Variants in SMG6 observed in about 807,000 individuals in gnomAD.
SMG6 encodes telomerase-binding protein EST1A.
A neutral mutation model predicts 142.2 loss-of-function variants in SMG6; 66 were observed. The observed-to-expected ratio is 0.46, with a 90% confidence interval of 0.38 to 0.57. SMG6 has a LOEUF of 0.57. Ranked by LOEUF, SMG6 falls within the 20% of genes least tolerant of loss-of-function variation. The pLI, the probability that SMG6 is intolerant of heterozygous loss-of-function variation, is 0.00. For missense variants in SMG6, 1,793 were observed against 1,832.0 expected (o/e 0.98, Z 0.39); for synonymous variants, 779 against 702.4 (o/e 1.11, Z -1.72).
At chr17:2,256,786 G>C (rs144855160) in intron 8 of SMG6, among the ~76,000 whole-genome samples, 2 of 93,580 alleles carry the variant, frequency 2.1e-5, no homozygotes, top group Admixed American at 1.2e-4. Flanking sequence ...AAAAAAAATA[G>C]ATAGACAGAT....
intron 12 of SMG6, among the ~76,000 whole-genome samples, chr17:2,176,745 G>C (rs11656586): frequency 0.093 from 14,158 of 152,242 alleles, 924 homozygotes; most frequent in Middle Eastern, 0.16. Flanking sequence ...CCACACACCA[G>C]GACGGCAGAG....
At chr17:2,281,558 A>G (rs529665607) in intron 8 of SMG6, among the ~76,000 whole-genome samples, 1 of 152,066 alleles carries the variant, frequency 6.6e-6, no homozygotes, top group South Asian at 2.1e-4. Flanking sequence ...TCTTTTTCAT[A>G]TCTCACTTGG....
chr17:2,285,386 C>T (rs953564400), intron 6 of SMG6, among the ~76,000 whole-genome samples: 4 of 152,058 alleles, frequency 2.6e-5, no homozygotes, highest in South Asian at 2.1e-4. Context: ...GAAGAAAGTG[C>T]GAATCTAGGT....
chr17:2,146,455 C>T (rs985231403), intron 13 of SMG6, among the ~76,000 whole-genome samples: 20 of 152,204 alleles, frequency 1.3e-4, no homozygotes, highest in Non-Finnish European at 2.4e-4. Context: ...AACATACAGC[C>T]TTTGGTCTAA....
intron 10 of SMG6, among the ~76,000 whole-genome samples, chr17:2,201,435 T>C (rs539466997): frequency 1.3e-5 from 2 of 152,298 alleles, no homozygotes; most frequent in African/African-American, 4.8e-5. Context: ...GACTCACACC[T>C]GTAACCCCAG....
At chr17:2,176,542 T>C (rs1272329850) in intron 12 of SMG6, among the ~76,000 whole-genome samples, 1 of 152,156 alleles carries the variant, frequency 6.6e-6, no homozygotes, top group African/African-American at 2.4e-5. Context: ...GAGTCCACAA[T>C]ATCCCGCTAA....
intron 8 of SMG6, among the ~76,000 whole-genome samples, chr17:2,276,257 T>G (rs938625415): frequency 6.6e-6 from 1 of 152,144 alleles, no homozygotes; most frequent in Non-Finnish European, 1.5e-5. Context: ...CTGCATCCAG[T>G]TGAATCAAGC....
chr17:2,110,916 C>T (rs961840589), intron 13 of SMG6, among the ~76,000 whole-genome samples: 2 of 152,116 alleles, frequency 1.3e-5, no homozygotes, highest in Non-Finnish European at 2.9e-5. Flanking sequence ...AATTCCATTT[C>T]GATGTGTAGG....
chr17:2,144,617 T>C (rs1447327089), intron 13 of SMG6, among the ~76,000 whole-genome samples: 1 of 152,158 alleles, frequency 6.6e-6, no homozygotes, highest in Non-Finnish European at 1.5e-5. Flanking sequence ...CGGGAATTCT[T>C]TGTGGCCTGA....
intron 8 of SMG6, among the ~76,000 whole-genome samples, chr17:2,267,908 C>T (rs886296958): frequency 2.6e-5 from 4 of 151,834 alleles, no homozygotes; most frequent in Admixed American, 6.6e-5. Context: ...CCACCACACC[C>T]GGCTAATTTT....
chr17:2,146,013 C>T (rs2070657541), intron 13 of SMG6, among the ~76,000 whole-genome samples: 1 of 152,092 alleles, frequency 6.6e-6, no homozygotes, highest in African/African-American at 2.4e-5. Context: ...TCTTAAGGGA[C>T]TCCTTTCCTA....
chr17:2,102,197 T>C (rs2069026858), intron 13 of SMG6, among the ~76,000 whole-genome samples: 1 of 152,200 alleles, frequency 6.6e-6, no homozygotes. Context: ...CAAAATTTTA[T>C]TATAAATTGA....
Position 2,085,720 on chromosome 17 carries a change from A to AGTAC in SMG6, c.3534+1_3534+4dup. The stretch of plus-strand genomic sequence containing the variant: ...CTGCCACAGCGGGCTCTTCCCGCAT[A>AGTAC]GTACCTCATCTTCCAGTCGTGTTCC... On this transcript the variant is annotated splice_donor_region_variant and intron_variant, in intron 14 of 18. Transcript: ENST00000263073. This position sits in a 1 kb window ranked among gnomAD's most constrained non-coding sequence, Gnocchi z 4.1. 2 of 1,611,282 alleles carry AGTAC rather than the reference A, an allele frequency of 1.2e-6. No homozygotes were observed. Among genetic ancestry groups the AGTAC allele is most frequent in the Non-Finnish European group, 1.7e-6 (2 of 1,178,742 alleles).
At chr17:2,245,996 A>G (rs2073919599) in intron 8 of SMG6, among the ~76,000 whole-genome samples, 1 of 152,182 alleles carries the variant, frequency 6.6e-6, no homozygotes. Context: ...CTGGATTTTT[A>G]TGTGAAATAC....
chr17:2,275,368 G>A (rs1181030730), intron 8 of SMG6, among the ~76,000 whole-genome samples: 1 of 152,208 alleles, frequency 6.6e-6, no homozygotes, highest in African/African-American at 2.4e-5. Context: ...GCTGCAGTGA[G>A]CTGAGATCAC....
intron 13 of SMG6, among the ~76,000 whole-genome samples, chr17:2,153,762 C>T (rs1171094235): frequency 5.6e-5 from 6 of 106,610 alleles, no homozygotes; most frequent in South Asian, 6.7e-4. Flanking sequence ...TAGAGTGTGA[C>T]GGTGACTGGG....
rs1464194792 is a variant in SMG6 at position 2,267,750 on chromosome 17, TA to T, written c.2661+14896del. Among the ~76,000 whole-genome samples the T allele has an allele frequency of 6.3e-3, 709 of 113,192 alleles. 4 individuals carry two copies. Among genetic ancestry groups the T allele is most frequent in the Middle Eastern group, 0.02 (4 of 204 alleles). 74.3% of individuals were successfully genotyped at this position (113,192 alleles called of 152,430 possible). A position where few individuals can be genotyped will look rare whatever the true frequency, so the allele number is the denominator to read the frequency against. On this transcript the variant is annotated intron_variant, in intron 8 of 18. Coordinates refer to ENST00000263073, the MANE Select transcript of SMG6 (RefSeq NM_017575.5). ...ATGTATTTTTAATTATTTTTATTAT[TA>T]TTTTTTTTTTTTTTGAGACAGAGTC... is the stretch of plus-strand genomic sequence containing the variant.
chr17:2,072,623 G>A (rs2068135227), intron 15 of SMG6, among the ~76,000 whole-genome samples: 1 of 152,182 alleles, frequency 6.6e-6, no homozygotes, highest in African/African-American at 2.4e-5. Flanking sequence ...TGCAAGCTGA[G>A]ACACTGAACA....
At chr17:2,247,419 T>C (rs746623558) in intron 8 of SMG6, among the ~76,000 whole-genome samples, 1 of 152,234 alleles carries the variant, frequency 6.6e-6, no homozygotes, top group Non-Finnish European at 1.5e-5. Flanking sequence ...GTTAATTCAT[T>C]CATAATCAGA....
Sources: allele counts gnomAD v4.1 joint callset (sites outside exome capture counted in the v4.1 genomes callset), GRCh38; gene constraint gnomAD v4.1.1; non-coding constraint Gnocchi (gnomAD v3.1); transcripts MANE v1.5; gene names NCBI Gene and HGNC (gene_info 2026-07-23, HGNC 2026-07-21).